The following RENBP variants were observed in gnomAD, a reference collection of about 807,000 sequenced individuals.
RENBP encodes renin binding protein.
A neutral mutation model predicts 37.8 loss-of-function variants in RENBP; 16 were observed. The ratio of observed to expected loss-of-function variants is 0.42; its 90% CI spans 0.29 to 0.64. The LOEUF (loss-of-function observed/expected upper bound fraction) is 0.64, where lower values mean the gene tolerates loss of function less well. RENBP is among the 30% of genes least tolerant of loss of function. RENBP has a pLI of 0.19. For missense variants in RENBP, 347 were observed against 379.5 expected, an observed-to-expected ratio of 0.91 and a Z score of 0.71; for synonymous variants, 170 against 154.8, an observed-to-expected ratio of 1.10 and a Z score of -0.73.
At chrX:153,938,789 T>G (rs1047009460) in intron 9 of RENBP, among the ~76,000 whole-genome samples, 2 of 90,393 alleles carry the variant, frequency 2.2e-5, no homozygotes, top group African/African-American at 5.5e-5. Flanking sequence ...ACTGTTTTTT[T>G]TTTTTTGTTT....
rs1306261637 is a variant in RENBP, at chrX:153,935,365, T to C, written c.1205A>G (p.Glu402Gly). The C allele has an allele frequency of 1.8e-6, 2 of 1,119,875 alleles. No homozygotes were observed. Among genetic ancestry groups the C allele is most frequent in the Non-Finnish European group, 2.4e-6 (2 of 850,672 alleles). 92.3% of individuals were successfully genotyped at this position (1,119,875 alleles called of 1,213,427 possible). A position where few individuals can be genotyped will look rare whatever the true frequency, so the allele number is the denominator to read the frequency against. The change falls in exon 11 of 11, where the codon GAG (glutamate) becomes GGG (glycine). Residue 402 changes from glutamate (E) to glycine (G), a missense_variant. Physicochemically the swap from Glu to Gly is moderately conservative, Grantham distance 98. This residue lies in a region of RENBP where 91 missense variants were observed against 67.7 expected (regional missense o/e 1.34). Transcript: ENST00000393700. ...HVPRCLAMCE[E>G]MLGALLSRPA... ...GCGGCTCAGCAGGGCGCCCAGCATC[T>C]CCTCGCACATGGCTAGGCACCGCGG...
chrX:153,940,038 G>A, intron 9 of RENBP, 64 bp downstream of exon 9: 1 of 1,176,840 alleles, frequency 8.5e-7, no homozygotes, highest in Non-Finnish European at 1.2e-6. Context: ...CAAGAGCGCA[G>A]CCGGGCCAGA....
intron 8 of RENBP, among the ~76,000 whole-genome samples, chrX:153,941,261 G>A (rs1468389883): frequency 9.9e-5 from 11 of 110,716 alleles, no homozygotes; most frequent in Non-Finnish European, 1.1e-4. Context: ...TTTGCATTGC[G>A]GACTCGCCCT....
chrX:153,939,662 G>A, intron 9 of RENBP, among the ~76,000 whole-genome samples: 1 of 111,397 alleles, frequency 9.0e-6, no homozygotes, highest in East Asian at 2.8e-4. Context: ...GGCAGCTGGA[G>A]TCCGTCCCTT....
chrX:153,944,133 G>A lies in RENBP; in HGVS notation c.160C>T (p.Arg54Cys). 1.7e-6 allele frequency: 2 copies of A among 1,211,021 alleles called. No homozygotes were observed. The highest frequency in any genetic ancestry group is 3.0e-5 in the East Asian group (1 of 33,810). The change falls in exon 3 of 11, where the codon CGC (arginine) becomes TGC (cysteine). Residue 54 changes from arginine to cysteine, a missense_variant. Physicochemically the swap from Arg to Cys is radical, Grantham distance 180. Coordinates refer to ENST00000393700, the MANE Select transcript of RENBP (RefSeq NM_002910.6). ...AGGTCATCATACACCCGCCCCTCGC[G>A]GCCAAGGCACGTGAAGAAGCCCCTG... ...EHGGFFTCLG[R>C]EGRVYDDLKY...
At chrX:153,937,753 C>T (rs1189004868) in intron 9 of RENBP, among the ~76,000 whole-genome samples, 3 of 111,459 alleles carry the variant, frequency 2.7e-5, no homozygotes, top group South Asian at 3.7e-4. Flanking sequence ...CCACCACACC[C>T]GGCTAATTTT....
At chrX:153,942,820 C>T (rs782754136) in intron 6 of RENBP, 35 bp downstream of exon 6, 1 of 1,110,638 alleles carries the variant, frequency 9.0e-7, no homozygotes, top group Non-Finnish European at 1.2e-6. Context: ...GAGTGGAAGG[C>T]CTCCCACCAC....
chrX:153,938,783 T>G (rs982432325), intron 9 of RENBP, among the ~76,000 whole-genome samples: 7 of 69,916 alleles, frequency 1.0e-4, no homozygotes, highest in Non-Finnish European at 1.4e-4. Flanking sequence ...ATCTGTACTG[T>G]TTTTTTTTTT....
rs782714754 is a variant in RENBP at position 153,935,324 on chromosome X, A to AGGGGGC, written c.1240_1245dup (p.Ala414_Pro415dup). Reference sequence around the variant, plus strand: ...CGGCAGGCGGGGGTGGGGGCGGGGGAGGGGGCGGGGGCGGGGCGGCTCAGC... The same window carrying AGGGGGC: ...CGGCAGGCGGGGGTGGGGGCGGGGGAGGGGGCGGGGGCGGGGGCGGGGCGGCTCAGC... On this transcript the variant is annotated inframe_insertion, in exon 11 of 11. Transcript: ENST00000393700. 5.1e-5 allele frequency: 36 copies of AGGGGGC among 701,167 alleles called. No homozygotes were observed. Among genetic ancestry groups the AGGGGGC allele is most frequent in the South Asian group, 3.9e-4 (11 of 28,547 alleles). The allele number at this position is 701,167 out of a possible 1,213,427, so 57.8% of individuals were successfully genotyped here.
chrX:153,942,666 G>C (rs1015130344), intron 6 of RENBP, 189 bp downstream of exon 6: 1 of 446,567 alleles, frequency 2.2e-6, no homozygotes, highest in South Asian at 3.2e-5. Flanking sequence ...GGTGGGGCAG[G>C]AGGGGTCTCC....
rs1557110220 is a variant in RENBP, at chrX:153,944,396, G to A, written c.50C>T (p.Thr17Ile). The A allele has an allele frequency of 8.3e-7, 1 of 1,209,453 alleles. No individual in the cohort carries two copies. Among genetic ancestry groups the A allele is most frequent in the African/African-American group, 1.7e-5 (1 of 57,232 alleles). ...ARQDMEKERE[T>I]LQAWKERVGQ... ...CACGCGCTCCTTCCAGGCCTGCAGA[G>A]TCTCTCGCTCTTTCTCCATGTCCTA... Residue 17 changes from threonine to isoleucine, a missense_variant, in exon 2 of 11, where the codon ACT becomes ATT. Thr to Ile is a moderately conservative substitution (Grantham distance 89, BLOSUM62 -1). Around this residue, in one of 3 missense-constraint regions of RENBP, gnomAD observed 244 missense variants for 279.4 expected, o/e 0.87. Coordinates refer to ENST00000393700, the MANE Select transcript of RENBP (RefSeq NM_002910.6).
At chrX:153,940,328 G>T in intron 8 of RENBP, 95 bp from the exon 9 acceptor site, 1 of 1,043,510 alleles carries the variant, frequency 9.6e-7, no homozygotes. Flanking sequence ...GCTACTGGAG[G>T]TGAATTGCGG....
chrX:153,936,311 T>C (rs1474229744), intron 9 of RENBP, among the ~76,000 whole-genome samples: 5 of 108,455 alleles, frequency 4.6e-5, no homozygotes, highest in African/African-American at 1.7e-4. Context: ...ATCGAGACCA[T>C]CCTGGCTAAC....
At position 153,944,628 on chromosome X, in the gene RENBP, G is replaced by C; in HGVS notation, c.-18C>G. On this transcript the variant is annotated 5_prime_UTR_variant, in exon 1 of 11. Transcript: ENST00000393700. ...TTGCTCATCCCTCCTGCTCCTCTAG[G>C]AAGCCAGACAGAGTTGGTCGCGGTC... 1 of 1,163,009 alleles carries C rather than the reference G, an allele frequency of 8.6e-7. No homozygotes were observed. Among genetic ancestry groups the C allele is most frequent in the East Asian group, 3.3e-5 (1 of 30,637 alleles).
At chrX:153,935,840 G>C (rs5945377) in intron 9 of RENBP, among the ~76,000 whole-genome samples, 36,420 of 112,461 alleles carry the variant, frequency 0.32, 5,894 homozygotes, top group East Asian at 0.69. Flanking sequence ...TAGAAACGTT[G>C]TCTATCGGGC....
Position 153,942,018 on chromosome X carries a change from G to A in RENBP, c.701C>T (p.Ala234Val), listed in dbSNP as rs782409334. Residue 234 changes from alanine to valine, a missense_variant, in exon 7 of 11, where the codon GCT (alanine) becomes GTT (valine). Around this residue, in one of 3 missense-constraint regions of RENBP, gnomAD observed 244 missense variants for 279.4 expected, o/e 0.87. Coordinates refer to ENST00000393700, the MANE Select transcript of RENBP (RefSeq NM_002910.6). Reference sequence around the variant, plus strand: ...ACCCTCTGACACATTCTCCAGCACAGCTTGTCCATCCCTCTACCGGGAAGG... The same window carrying A: ...ACCCTCTGACACATTCTCCAGCACAACTTGTCCATCCCTCTACCGGGAAGG... ...ILQHVQRDGQAVLENVSEGGK... is the reference protein window; with the variant it reads ...ILQHVQRDGQVVLENVSEGGK... 1.8e-5 allele frequency: 20 copies of A among 1,119,522 alleles called. 1 individual carries two copies. In the South Asian group the frequency reaches 3.6e-4, roughly 20 times the overall value. 92.3% of individuals were successfully genotyped at this position (1,119,522 alleles called of 1,213,427 possible).
In RENBP at chrX:153,941,952, G is replaced by A. The variant is rs1557109631; in HGVS notation, c.767C>T (p.Pro256Leu). ...LPGCLGRQQN[P>L]GHTLEAGWFL... ...CCCCAGCCCACCCCGCCCCTCACCT[G>A]GGTTCTGCTGTCTCCCCAGGCAGCC... Residue 256 changes from proline (P) to leucine (L), a missense_variant and splice_region_variant, in exon 7 of 11, where the codon CCA (proline) becomes CTA (leucine). Pro to Leu is a moderately conservative substitution (Grantham distance 98, BLOSUM62 -3). Transcript: ENST00000393700. 3 of 498,842 alleles carry A rather than the reference G, an allele frequency of 6.0e-6. No individual in the cohort carries two copies. The highest frequency in any genetic ancestry group is 9.8e-6 in the Non-Finnish European group (3 of 306,438). 41.1% of individuals were successfully genotyped at this position (498,842 alleles called of 1,213,427 possible). A position where few individuals can be genotyped will look rare whatever the true frequency, so the allele number is the denominator to read the frequency against.
intron 6 of RENBP, 77 bp from the exon 7 acceptor site, chrX:153,942,108 T>C (rs2065229629): frequency 1.2e-6 from 1 of 832,812 alleles, no homozygotes; most frequent in Admixed American, 2.3e-5. Flanking sequence ...AAGACCCAGC[T>C]CCGGAAAGCC....
At position 153,941,459 on chromosome X, in the gene RENBP, G is replaced by C. The variant is rs782402044; in HGVS notation, c.945+19C>G. ...CTTAGAACAGCGTGGGTCACACATG[G>C]CCCTGGGCGCTCTCCCACCTGGGTG... is the stretch of plus-strand genomic sequence containing the variant. On this transcript the variant is annotated intron_variant, in intron 8 of 10. Coordinates refer to ENST00000393700, the MANE Select transcript of RENBP (RefSeq NM_002910.6). 4.1e-6 allele frequency: 5 copies of C among 1,208,129 alleles called. No individual in the cohort carries two copies. The Admixed American group carries it at 1.1e-4, about 26-fold the overall frequency.
Sources: allele counts gnomAD v4.1 joint callset (sites outside exome capture counted in the v4.1 genomes callset), GRCh38; gene constraint gnomAD v4.1.1; regional missense constraint gnomAD v4.1.1; transcripts MANE v1.5; gene names NCBI Gene and HGNC (gene_info 2026-07-23, HGNC 2026-07-21).